ROCK1: variants seen among roughly 807,000 people sequenced by gnomAD.
ROCK1 encodes rho-associated protein kinase 1.
In ROCK1, 36 loss-of-function variants were observed where a neutral mutation model predicts 196.8. The observed-to-expected ratio is 0.18, with a 90% confidence interval of 0.14 to 0.24. ROCK1 has a LOEUF of 0.24. Ranked by LOEUF, ROCK1 falls within the 10% of genes least tolerant of loss-of-function variation. The pLI is 1.00. For synonymous variants in ROCK1, 443 were observed against 515.9 expected (o/e 0.86, Z 1.91); for missense variants, 920 against 1,562.0 (o/e 0.59, Z 6.93).
intron 21 of ROCK1, 130 bp from the exon 22 acceptor site, chr18:20,980,134 T>C (rs531369327): frequency 2.7e-6 from 3 of 1,116,932 alleles, no homozygotes; most frequent in Admixed American, 3.8e-5. Flanking sequence ...CCATGACAAA[T>C]GCAAATATAT....
intron 28 of ROCK1, 90 bp from the exon 29 acceptor site, chr18:20,960,018 T>A (rs1240842684): frequency 2.0e-6 from 2 of 1,019,238 alleles, no homozygotes; most frequent in Non-Finnish European, 3.1e-6. Flanking sequence ...AATATCTAGA[T>A]TATACTGTAT....
intron 29 of ROCK1, 136 bp from the exon 30 acceptor site, chr18:20,955,381 T>A: frequency 2.0e-6 from 2 of 984,050 alleles, no homozygotes; most frequent in Non-Finnish European, 1.5e-6. Context: ...GAAATGCAAA[T>A]TAAAACCACA....
intron 22 of ROCK1, 80 bp downstream of exon 22, chr18:20,979,830 T>G: frequency 7.0e-7 from 1 of 1,423,432 alleles, no homozygotes; most frequent in South Asian, 1.3e-5. Context: ...ACCAGAATAA[T>G]GGCACATCTA....
intron 1 of ROCK1, among the ~76,000 whole-genome samples, chr18:21,104,633 C>T (rs921602798): frequency 4.6e-5 from 7 of 152,038 alleles, no homozygotes; most frequent in African/African-American, 1.2e-4. Flanking sequence ...ATATCTCAGC[C>T]GTTACTCTGA....
intron 8 of ROCK1, 35 bp downstream of exon 8, chr18:21,042,062 A>G: frequency 6.3e-7 from 1 of 1,575,596 alleles, no homozygotes; most frequent in Non-Finnish European, 8.6e-7. Context: ...AGAAGTCCTC[A>G]GAATTAATAC....
At chr18:21,046,839 G>A (rs2036164562) in intron 4 of ROCK1, among the ~76,000 whole-genome samples, 1 of 151,968 alleles carries the variant, frequency 6.6e-6, no homozygotes. Flanking sequence ...TATAGATTCA[G>A]TTACTTTGTT....
At chr18:20,970,247 GAAGTA>G (rs1350149460) in intron 23 of ROCK1, 96 bp downstream of exon 23, 1 of 794,920 alleles carries the variant, frequency 1.3e-6, no homozygotes. Flanking sequence ...TATTAACATA[GAAGTA>G]AATACACTTG....
At chr18:21,003,551 A>G (rs2035744453) in intron 16 of ROCK1, among the ~76,000 whole-genome samples, 1 of 152,184 alleles carries the variant, frequency 6.6e-6, no homozygotes, top group Admixed American at 6.5e-5. Flanking sequence ...AATATTTACA[A>G]ATTAGGATGT....
At chr18:21,015,914 A>C (rs1279726359) in intron 12 of ROCK1, among the ~76,000 whole-genome samples, 1 of 151,630 alleles carries the variant, frequency 6.6e-6, no homozygotes, top group Non-Finnish European at 1.5e-5. Context: ...TGGGAGGTGG[A>C]GGTTGCAGTG....
At chr18:21,100,164 AC>A (rs1405299094) in intron 1 of ROCK1, among the ~76,000 whole-genome samples, 6 of 151,416 alleles carry the variant, frequency 4.0e-5, no homozygotes, top group Non-Finnish European at 8.8e-5. Flanking sequence ...AAAAAAAAAA[AC>A]CTAAAATGAA....
Position 21,006,439 on chromosome 18 carries a change from T to C in ROCK1, c.1797A>G (p.Thr599=). The change falls in exon 16 of 33, where the codon ACA becomes ACG. Residue 599 remains threonine, a synonymous_variant. Coordinates refer to ENST00000399799, the MANE Select transcript of ROCK1 (RefSeq NM_005406.3). The part of the protein sequence containing the change: ...NRILENSKSQ[T]DKDYYQLQAI... ...CTTGCAGCTGGTAATAATCTTTGTCTGTTTGTGACTTAGAATTCTCTAAAA... is the reference window on the plus strand; with the variant it reads ...CTTGCAGCTGGTAATAATCTTTGTCCGTTTGTGACTTAGAATTCTCTAAAA... 6.2e-7 allele frequency: 1 copy of C among 1,613,730 alleles called. No homozygotes were observed. The highest frequency in any genetic ancestry group is 8.5e-7 in the Non-Finnish European group (1 of 1,179,920).
chr18:21,055,384 C>T (rs1035725322), intron 2 of ROCK1, among the ~76,000 whole-genome samples: 1 of 152,128 alleles, frequency 6.6e-6, no homozygotes, highest in African/African-American at 2.4e-5. Flanking sequence ...CACAGCTCTC[C>T]CACTGATCCT....
intron 12 of ROCK1, among the ~76,000 whole-genome samples, chr18:21,019,045 G>C (rs1287833062): frequency 6.6e-6 from 1 of 152,114 alleles, no homozygotes; most frequent in African/African-American, 2.4e-5. Context: ...TACTGCTCTG[G>C]TGAACCACAG....
intron 9 of ROCK1, among the ~76,000 whole-genome samples, chr18:21,036,856 CTA>C (rs1214126486): frequency 2.0e-5 from 3 of 152,172 alleles, no homozygotes; most frequent in Non-Finnish European, 2.9e-5. Context: ...ATTATTAATA[CTA>C]TGTTAAATAC....
intron 10 of ROCK1, among the ~76,000 whole-genome samples, chr18:21,026,173 A>C (rs1228510496): frequency 6.6e-6 from 1 of 152,174 alleles, no homozygotes; most frequent in Non-Finnish European, 1.5e-5. Flanking sequence ...GGCTGGGCAC[A>C]GTGGGTGACA....
intron 2 of ROCK1, among the ~76,000 whole-genome samples, chr18:21,062,742 T>C (rs1471696346): frequency 6.6e-6 from 1 of 152,156 alleles, no homozygotes; most frequent in Non-Finnish European, 1.5e-5. Flanking sequence ...TCACCAGTGA[T>C]GTGCCTAGAT....
chr18:20,984,255 T>A (rs1248060779), intron 20 of ROCK1, 96 bp downstream of exon 20: 1 of 915,128 alleles, frequency 1.1e-6, no homozygotes, highest in Non-Finnish European at 1.6e-6. Flanking sequence ...TCACAAACTC[T>A]AAGTACATAA....
At position 21,041,714 on chromosome 18, in the gene ROCK1, T is replaced by C. The variant is rs1277113755; in HGVS notation, c.959+383A>G. Among the ~76,000 whole-genome samples, 3 of 152,134 alleles carry C rather than the reference T, an allele frequency of 2.0e-5. No homozygotes were observed. In the East Asian group the frequency reaches 5.8e-4, roughly 29 times the overall value. ...AGGTGTATCACCGTTTTTATACCAC[T>C]ATGAAAAAGGATGCTCCCAACTCAT... is the stretch of plus-strand genomic sequence containing the variant. On this transcript the variant is annotated intron_variant, in intron 8 of 32. Coordinates refer to ENST00000399799, the MANE Select transcript of ROCK1 (RefSeq NM_005406.3).
intron 17 of ROCK1, among the ~76,000 whole-genome samples, chr18:20,991,765 G>A (rs2143408949): frequency 6.6e-6 from 1 of 152,040 alleles, no homozygotes; most frequent in East Asian, 1.9e-4. Flanking sequence ...CTCTGGAGTG[G>A]CTAGTATTAC....
Sources: allele counts gnomAD v4.1 joint callset (sites outside exome capture counted in the v4.1 genomes callset), GRCh38; gene constraint gnomAD v4.1.1; transcripts MANE v1.5; gene names NCBI Gene and HGNC (gene_info 2026-07-23, HGNC 2026-07-21).